Variants in IL3RA observed in about 807,000 individuals in gnomAD.
IL3RA encodes interleukin 3 receptor subunit alpha.
In IL3RA, 73 loss-of-function variants were observed where a neutral mutation model predicts 52.3. The ratio of observed to expected loss-of-function variants is 1.40; its 90% CI spans 1.16 to 1.70. The LOEUF (loss-of-function observed/expected upper bound fraction) is 1.70, where lower values mean the gene tolerates loss of function less well. Ranked by LOEUF, IL3RA falls within the 40% of genes most tolerant of loss-of-function variation. The pLI is 0.00. For synonymous variants in IL3RA, 260 were observed against 194.0 expected, an observed-to-expected ratio of 1.34 and a Z score of -2.83; for missense variants, 664 against 504.4, an observed-to-expected ratio of 1.32 and a Z score of -3.03.
intron 2 of IL3RA, among the ~76,000 whole-genome samples, chrX:1,344,606 C>G (rs28821574): frequency 0.013 from 1,991 of 150,554 alleles, 39 homozygotes; most frequent in African/African-American, 0.046. Flanking sequence ...AACCCCATCT[C>G]TAGTAAAAAT....
chrX:1,363,425 T>A (rs1251022860), intron 8 of IL3RA, among the ~76,000 whole-genome samples: 1 of 149,608 alleles, frequency 6.7e-6, no homozygotes, highest in Non-Finnish European at 1.5e-5. Context: ...CTCAGCCTCC[T>A]GAGTAGCTGG....
At chrX:1,352,049 G>A (rs1371600765) in intron 4 of IL3RA, 51 bp from the exon 5 acceptor site, 1 of 1,596,698 alleles carries the variant, frequency 6.3e-7, no homozygotes, top group East Asian at 2.2e-5. Flanking sequence ...ACAGGCGTGA[G>A]CCACCGCGCC....
intron 8 of IL3RA, among the ~76,000 whole-genome samples, chrX:1,359,658 A>C (rs1489109872): frequency 7.9e-4 from 75 of 95,510 alleles, no homozygotes; most frequent in Middle Eastern, 9.8e-3. Context: ...CCCTGTCTCT[A>C]TCTCCCGCTC....
chrX:1,352,001 G>C, intron 4 of IL3RA, 99 bp from the exon 5 acceptor site: 1 of 1,460,210 alleles, frequency 6.8e-7, no homozygotes. Flanking sequence ...CTGACCTCAT[G>C]TGATCCACCC....
At chrX:1,339,216 G>T (rs1242979477) in intron 1 of IL3RA, among the ~76,000 whole-genome samples, 1 of 152,124 alleles carries the variant, frequency 6.6e-6, no homozygotes, top group Non-Finnish European at 1.5e-5. Flanking sequence ...CTGGACCACA[G>T]CCCCTACAGG....
rs1448828392 is a variant in IL3RA, at chrX:1,378,769, G to A, written c.980+5G>A. 6 of 1,611,266 alleles carry A rather than the reference G, an allele frequency of 3.7e-6. No individual in the cohort carries two copies. Among genetic ancestry groups the A allele is most frequent in the South Asian group, 2.2e-5 (2 of 90,998 alleles). Reference sequence around the variant, plus strand: ...TGTCTTCGTGATCTGCAGAAGGTGAGCCCTCGAGGGCGTCCGCGAGCGTCG... The same window carrying A: ...TGTCTTCGTGATCTGCAGAAGGTGAACCCTCGAGGGCGTCCGCGAGCGTCG... On this transcript the variant is annotated splice_donor_5th_base_variant and intron_variant, in intron 10 of 11. Coordinates refer to ENST00000331035, the MANE Select transcript of IL3RA (RefSeq NM_002183.4).
intron 9 of IL3RA, among the ~76,000 whole-genome samples, chrX:1,368,207 C>G (rs1391510478): frequency 6.6e-6 from 1 of 151,590 alleles, no homozygotes; most frequent in East Asian, 2.0e-4. Flanking sequence ...TGCAGTGAGC[C>G]GAGATCGCGC....
chrX:1,343,792 G>A (rs1381123747), intron 2 of IL3RA, among the ~76,000 whole-genome samples: 1 of 124,446 alleles, frequency 8.0e-6, no homozygotes, highest in Non-Finnish European at 1.7e-5. Flanking sequence ...TTTTTTTTGA[G>A]ACGGAGTTTT....
At chrX:1,381,857 T>G (rs1246276363) in intron 11 of IL3RA, among the ~76,000 whole-genome samples, 2 of 150,410 alleles carry the variant, frequency 1.3e-5, no homozygotes, top group Non-Finnish European at 3.0e-5. Context: ...TTCAACAAGT[T>G]TTTAGTGATA....
chrX:1,339,129 C>T lies in IL3RA; in HGVS notation c.-39+2203C>T, dbSNP rs1337733649. Among the ~76,000 whole-genome samples, 10 of 148,802 alleles carry T rather than the reference C, an allele frequency of 6.7e-5. No homozygotes were observed. The East Asian group carries it at 1.5e-3, about 23-fold the overall frequency. ...TGCTGGGATTATAGGCGTGAGCCAC[C>T]GCGCCTGGCCAATGAAAATATTAAT... is the stretch of plus-strand genomic sequence containing the variant. On this transcript the variant is annotated intron_variant, in intron 1 of 11. Transcript: ENST00000331035.
Position 1,348,488 on chromosome X carries a change from T to C in IL3RA, c.241T>C (p.Tyr81His). 6.2e-7 allele frequency: 1 copy of C among 1,613,912 alleles called. No individual in the cohort carries two copies. The highest frequency in any genetic ancestry group is 8.5e-7 in the Non-Finnish European group (1 of 1,179,848). ...AATTTCCTTATGTGAAGTGACCAAC[T>C]ACACCGTCCGAGTGGCCAACCCACC... is the stretch of plus-strand genomic sequence containing the variant. ...GAISLCEVTN[Y>H]TVRVANPPFS... is the part of the protein sequence containing the mutation. The change falls in exon 4 of 12, where the codon TAC (tyrosine) becomes CAC (histidine). Residue 81 changes from tyrosine (Y) to histidine (H), a missense_variant. Transcript: ENST00000331035.
intron 2 of IL3RA, among the ~76,000 whole-genome samples, chrX:1,343,983 A>C (rs1361595718): frequency 6.6e-6 from 1 of 151,766 alleles, no homozygotes; most frequent in Non-Finnish European, 1.5e-5. Context: ...TTTAGTCGCG[A>C]CGGGGTTTCA....
At position 1,341,829 on chromosome X, in the gene IL3RA, G is replaced by A; in HGVS notation, c.64G>A (p.Asp22Asn). ...GCCCTGTCTCCTGCAAACGAAGGAA[G>A]GTAAGAACTGGAGAAAAAATGCACG... ...ALPCLLQTKEDPNPPITNLRM... is the reference protein window; with the variant it reads ...ALPCLLQTKENPNPPITNLRM... The change falls in exon 2 of 12, where the codon GAT becomes AAT. Residue 22 changes from aspartate to asparagine, a missense_variant and splice_region_variant. Transcript: ENST00000331035. The A allele has an allele frequency of 6.2e-7, 1 of 1,613,894 alleles. No homozygotes were observed. The highest frequency in any genetic ancestry group is 2.2e-5 in the East Asian group (1 of 44,874).
chrX:1,382,046 G>A (rs2089202337), intron 11 of IL3RA, among the ~76,000 whole-genome samples: 1 of 151,324 alleles, frequency 6.6e-6, no homozygotes, highest in Non-Finnish European at 1.5e-5. Flanking sequence ...CCCGGTTGAA[G>A]GTTCAAGCGA....
rs191336321 is a variant in IL3RA at position 1,361,923 on chromosome X, G to C, written c.759+3036G>C. Among the ~76,000 whole-genome samples the C allele has an allele frequency of 2.7e-4, 41 of 151,982 alleles. No individual in the cohort carries two copies. In the East Asian group the frequency reaches 2.7e-3, roughly 10 times the overall value. On this transcript the variant is annotated intron_variant, in intron 8 of 11. Transcript: ENST00000331035. ...CTCTCACAACACGTGGGAGTTATAA[G>C]GGCTACAATTCAAGATGAGATTTGG...
rs1362308847 is a variant in IL3RA, at chrX:1,381,109, G to A, written c.1062+5G>A. 6.2e-7 allele frequency: 1 copy of A among 1,613,720 alleles called. No individual in the cohort carries two copies. The highest frequency in any genetic ancestry group is 8.5e-7 in the Non-Finnish European group (1 of 1,179,750). On this transcript the variant is annotated splice_donor_5th_base_variant and intron_variant, in intron 11 of 11. Transcript: ENST00000331035. ...AGCTTCCAAAACGACAAGCTGGTAT[G>A]TTGTTTTTTCTGCCTTGGGACGGGT... is the stretch of plus-strand genomic sequence containing the variant.
intron 1 of IL3RA, among the ~76,000 whole-genome samples, chrX:1,337,644 G>A (rs1254572673): frequency 1.7e-4 from 25 of 147,610 alleles, no homozygotes; most frequent in Admixed American, 1.4e-3. Flanking sequence ...ATCTATAGAC[G>A]AATGGATAAA....
chrX:1,379,706 C>T (rs1268514717), intron 10 of IL3RA, among the ~76,000 whole-genome samples: 1 of 152,260 alleles, frequency 6.6e-6, no homozygotes, highest in African/African-American at 2.4e-5. Flanking sequence ...GGGCCAGGAT[C>T]CGTCATGCAG....
intron 2 of IL3RA, among the ~76,000 whole-genome samples, chrX:1,343,882 G>T (rs756574009): frequency 6.8e-6 from 1 of 146,516 alleles, no homozygotes; most frequent in Non-Finnish European, 1.5e-5. Context: ...CGCAACCTCC[G>T]CCTCCCGAGT....
Sources: gnomAD v4.1 joint callset for allele counts (sites outside exome capture counted in the v4.1 genomes callset) on GRCh38, gnomAD v4.1.1 for gene constraint, MANE v1.5 for transcripts, NCBI Gene and HGNC (gene_info 2026-07-23, HGNC 2026-07-21) for gene names.